PDGFC: variants seen among roughly 807,000 people sequenced by gnomAD.
PDGFC encodes platelet derived growth factor C, also known as platelet-derived growth factor C.
Under a neutral mutation model 35.5 loss-of-function variants are expected in PDGFC, and 12 were observed. The observed-to-expected ratio is 0.34, with a 90% CI of 0.22 to 0.55. The LOEUF (loss-of-function observed/expected upper bound fraction) is 0.55, where lower values mean the gene tolerates loss of function less well. Among genes scored for constraint, PDGFC ranks in the 20% least tolerant of loss-of-function variants. PDGFC has a pLI of 0.91. For missense variants in PDGFC, 322 were observed against 412.4 expected, an observed-to-expected ratio of 0.78 and a Z score of 1.90; for synonymous variants, 159 against 148.8, an observed-to-expected ratio of 1.07 and a Z score of -0.50.
At chr4:156,780,813 C>CT (rs1421073923) in intron 3 of PDGFC, among the ~76,000 whole-genome samples, 11 of 149,928 alleles carry the variant, frequency 7.3e-5, no homozygotes, top group African/African-American at 2.7e-4. Context: ...TCAGCAATGA[C>CT]CCCCCCACAT....
intron 1 of PDGFC, among the ~76,000 whole-genome samples, chr4:156,910,834 G>A (rs1579094008): frequency 6.6e-6 from 1 of 152,072 alleles, no homozygotes; most frequent in Non-Finnish European, 1.5e-5. Flanking sequence ...GACATCTGTA[G>A]ATCCCTTTTC....
chr4:156,834,205 C>G lies in PDGFC; in HGVS notation c.314+16016G>C, dbSNP rs539050439. ...GATCTTGAGACATGTAAACAAATAT[C>G]TGAATCTTGCTAAGTTTTAAAGAGG... On this transcript the variant is annotated intron_variant, in intron 2 of 5. Coordinates refer to ENST00000502773, the MANE Select transcript of PDGFC (RefSeq NM_016205.3). Among the ~76,000 whole-genome samples, 20 of 152,202 alleles carry G rather than the reference C, an allele frequency of 1.3e-4. No individual in the cohort carries two copies. In the East Asian group the frequency reaches 3.7e-3, roughly 28 times the overall value.
intron 1 of PDGFC, among the ~76,000 whole-genome samples, chr4:156,900,770 G>T (rs1730748886): frequency 6.6e-6 from 1 of 152,042 alleles, no homozygotes; most frequent in Non-Finnish European, 1.5e-5. Flanking sequence ...GGGAGGTTGA[G>T]GTTGCAGTGA....
intron 1 of PDGFC, among the ~76,000 whole-genome samples, chr4:156,910,869 T>C (rs573215017): frequency 6.6e-6 from 1 of 152,322 alleles, no homozygotes; most frequent in East Asian, 1.9e-4. Context: ...TCATGTCTTT[T>C]ATCCATTTTC....
intron 1 of PDGFC, chr4:156,967,634 T>C (rs1732497403): frequency 6.6e-6 from 1 of 152,234 alleles, no homozygotes; most frequent in Non-Finnish European, 1.5e-5. Context: ...CTCTTTGTGC[T>C]GTATGCAACA....
In PDGFC at chr4:156,971,332, C is replaced by A; in HGVS notation, c.-429G>T. 2.5e-6 allele frequency: 1 copy of A among 399,282 alleles called. No homozygotes were observed. The highest frequency in any genetic ancestry group is 1.3e-4 in the South Asian group (1 of 7,916). 24.7% of individuals were successfully genotyped at this position (399,282 alleles called of 1,614,324 possible). On this transcript the variant is annotated 5_prime_UTR_variant, in exon 1 of 6. Coordinates refer to ENST00000502773, the MANE Select transcript of PDGFC (RefSeq NM_016205.3). Reference sequence around the variant, plus strand: ...GGTTGCCCGCAGCCAGACTGGAAGCCAAGTCGGCGGCGAGCAGTTTCTGAT... The same window carrying A: ...GGTTGCCCGCAGCCAGACTGGAAGCAAAGTCGGCGGCGAGCAGTTTCTGAT...
intron 1 of PDGFC, among the ~76,000 whole-genome samples, chr4:156,937,313 C>T (rs1233535794): frequency 6.6e-6 from 1 of 152,160 alleles, no homozygotes; most frequent in Non-Finnish European, 1.5e-5. Flanking sequence ...ATCTTGTTAT[C>T]TTTCCACCGC....
At position 156,795,941 on chromosome 4, in the gene PDGFC, G is replaced by A. The variant is rs149716301; in HGVS notation, c.495+14896C>T. Reference sequence around the variant, plus strand: ...TCCTAAAACTTCATTAATCTCTGTCGTGGAGGCAGCAGAGCCTCATTCATG... The same window carrying A: ...TCCTAAAACTTCATTAATCTCTGTCATGGAGGCAGCAGAGCCTCATTCATG... On this transcript the variant is annotated intron_variant, in intron 3 of 5. Transcript: ENST00000502773. Among the ~76,000 whole-genome samples, 7 of 152,218 alleles carry A rather than the reference G, an allele frequency of 4.6e-5. 1 individual carries two copies. In the South Asian group the frequency reaches 6.2e-4, roughly 14 times the overall value.
At position 156,965,769 on chromosome 4, in the gene PDGFC, G is replaced by C. The variant is rs116631469; in HGVS notation, c.118+5017C>G. Among the ~76,000 whole-genome samples the C allele has an allele frequency of 3.2e-3, 490 of 152,234 alleles. 3 individuals carry two copies. The highest frequency in any genetic ancestry group is 0.011 in the African/African-American group (461 of 41,538). On this transcript the variant is annotated intron_variant, in intron 1 of 5. Transcript: ENST00000502773. ...GAAGCCATACCCCTTCTTACTCCAG[G>C]TCCTTCAAGTCATGGGTCAGGCCTG... is the stretch of plus-strand genomic sequence containing the variant.
At chr4:156,920,973 GA>G (rs1560873754) in intron 1 of PDGFC, among the ~76,000 whole-genome samples, 2 of 152,134 alleles carry the variant, frequency 1.3e-5, no homozygotes, top group African/African-American at 4.8e-5. Flanking sequence ...GGTAGAAGTG[GA>G]GATGAAAAAT....
chr4:156,772,166 A>C (rs1730709030), intron 4 of PDGFC, among the ~76,000 whole-genome samples: 1 of 152,118 alleles, frequency 6.6e-6, no homozygotes, highest in South Asian at 2.1e-4. Context: ...GAAAACTATG[A>C]ATTCTATTTT....
At chr4:156,886,093 T>C (rs2111182857) in intron 1 of PDGFC, among the ~76,000 whole-genome samples, 1 of 152,136 alleles carries the variant, frequency 6.6e-6, no homozygotes, top group South Asian at 2.1e-4. Context: ...AGTCAAAATA[T>C]AAAAGGCTTA....
At chr4:156,864,697 A>T (rs1274927746) in intron 1 of PDGFC, among the ~76,000 whole-genome samples, 1 of 152,150 alleles carries the variant, frequency 6.6e-6, no homozygotes, top group Non-Finnish European at 1.5e-5. Context: ...CCATTATGAT[A>T]AAGAGCATGC....
intron 1 of PDGFC, among the ~76,000 whole-genome samples, chr4:156,964,092 T>G (rs1280563984): frequency 6.6e-6 from 1 of 151,946 alleles, no homozygotes. Flanking sequence ...AGGTTATACT[T>G]TCTAGCGTTC....
chr4:156,784,554 A>T (rs943777885), intron 3 of PDGFC, among the ~76,000 whole-genome samples: 1 of 152,160 alleles, frequency 6.6e-6, no homozygotes, highest in African/African-American at 2.4e-5. Context: ...AGCAAGTAGA[A>T]CTTTTTCATT....
chr4:156,929,927 A>G (rs896793993), intron 1 of PDGFC, among the ~76,000 whole-genome samples: 3 of 152,176 alleles, frequency 2.0e-5, no homozygotes, highest in Admixed American at 6.5e-5. Flanking sequence ...ACACAAGTAG[A>G]AATGTTAAAA....
At chr4:156,904,915 A>G (rs1048947009) in intron 1 of PDGFC, among the ~76,000 whole-genome samples, 3 of 152,136 alleles carry the variant, frequency 2.0e-5, no homozygotes, top group Admixed American at 2.0e-4. Flanking sequence ...CTGGCATATA[A>G]TATTTGCCCA....
At chr4:156,816,962 C>T (rs1440275643) in intron 2 of PDGFC, among the ~76,000 whole-genome samples, 1 of 151,994 alleles carries the variant, frequency 6.6e-6, no homozygotes, top group East Asian at 1.9e-4. Flanking sequence ...TTATTAACAG[C>T]CACTCTAAAT....
At chr4:156,799,587 C>T (rs747149272) in intron 3 of PDGFC, among the ~76,000 whole-genome samples, 3 of 152,122 alleles carry the variant, frequency 2.0e-5, no homozygotes, top group Non-Finnish European at 4.4e-5. Context: ...GAAATACTTG[C>T]TTTCCAATTT....
Sources: gnomAD v4.1 joint callset for allele counts (sites outside exome capture counted in the v4.1 genomes callset) on GRCh38, gnomAD v4.1.1 for gene constraint, MANE v1.5 for transcripts, NCBI Gene and HGNC (gene_info 2026-07-23, HGNC 2026-07-21) for gene names.